The following TMEM94 variants were observed in gnomAD, a reference collection of about 807,000 sequenced individuals.
TMEM94 encodes ER Mg2+ ATPase.
In TMEM94, 81 loss-of-function variants were observed where a neutral mutation model predicts 158.6. The ratio of observed to expected loss-of-function variants is 0.51; its 90% confidence interval spans 0.43 to 0.61. The LOEUF (loss-of-function observed/expected upper bound fraction) is 0.61. TMEM94 is among the 20% of genes least tolerant of loss of function. The probability of loss-of-function intolerance (pLI) is 0.00; values close to 1 mark genes in which losing one functional copy is unlikely to be tolerated. For missense variants in TMEM94, 1,435 were observed against 1,762.0 expected (o/e 0.81, Z 3.32); for synonymous variants, 751 against 730.7 (o/e 1.03, Z -0.45).
chr17:75,499,570 G>C lies in TMEM94; in HGVS notation c.*236G>C. ...TGGCTCTTCCCTGGGCCTCACCAGGGACACTCTTGAATGTATGGCCTCAGG... is the reference window on the plus strand; with the variant it reads ...TGGCTCTTCCCTGGGCCTCACCAGGCACACTCTTGAATGTATGGCCTCAGG... On this transcript the variant is annotated 3_prime_UTR_variant, in exon 32 of 32. Transcript: ENST00000314256. 1.7e-6 allele frequency: 1 copy of C among 578,944 alleles called. No individual in the cohort carries two copies. The highest frequency in any genetic ancestry group is 3.1e-6 in the Non-Finnish European group (1 of 324,994). 35.9% of individuals were successfully genotyped at this position (578,944 alleles called of 1,614,324 possible).
At chr17:75,490,101 C>T (rs1352184764) in intron 9 of TMEM94, 133 bp from the exon 10 acceptor site, 5 of 1,247,788 alleles carry the variant, frequency 4.0e-6, no homozygotes, top group East Asian at 2.5e-5. Context: ...AAGAACACCT[C>T]TTTCCCTTCC....
intron 1 of TMEM94, among the ~76,000 whole-genome samples, chr17:75,469,235 C>T (rs3934780): frequency 0.082 from 12,489 of 152,130 alleles, 924 homozygotes; most frequent in African/African-American, 0.18. Flanking sequence ...GTCAGTGCCT[C>T]GTTCTGGGGA....
rs2051961223 is a variant in TMEM94 at position 75,489,642 on chromosome 17, T to C, written c.934T>C (p.Tyr312His). ...TGCCCCGGGGGTCACTTCCTGGCAG[T>C]ACACCCTCCTCCAGCTCCAGGCAAG... ...FSAPGVTSWQ[Y>H]TLLQLQVNGV... The change falls in exon 9 of 32, where the codon TAC becomes CAC. Residue 312 changes from tyrosine to histidine, a missense_variant. This residue lies in a region of TMEM94 where 1,051 missense variants were observed against 1,254.4 expected (regional missense o/e 0.84). Coordinates refer to ENST00000314256, the MANE Select transcript of TMEM94 (RefSeq NM_014738.6). This position sits in a 1 kb window ranked among gnomAD's most constrained non-coding sequence, Gnocchi z 5.0. 2 of 1,613,822 alleles carry C rather than the reference T, an allele frequency of 1.2e-6. No individual in the cohort carries two copies. The highest frequency in any genetic ancestry group is 1.7e-6 in the Non-Finnish European group (2 of 1,179,848).
rs764559083 is a variant in TMEM94 at position 75,493,597 on chromosome 17, G to A, written c.2189+4G>A. ...ACCCTCTCTCGGGATCTGACAGGTG[G>A]GTGAGGAAGCACATGCCAGCAGCAA... On this transcript the variant is annotated splice_donor_region_variant and intron_variant, in intron 17 of 31. Transcript: ENST00000314256. 9 of 1,613,884 alleles carry A rather than the reference G, an allele frequency of 5.6e-6. No homozygotes were observed. Among genetic ancestry groups the A allele is most frequent in the Non-Finnish European group, 7.6e-6 (9 of 1,179,968 alleles).
intron 26 of TMEM94, among the ~76,000 whole-genome samples, chr17:75,497,490 A>T (rs763247993): frequency 1.3e-5 from 2 of 150,994 alleles, no homozygotes; most frequent in Non-Finnish European, 2.9e-5. Context: ...AGTAGCTGGG[A>T]TTACAGGCAC....
intron 16 of TMEM94, 45 bp from the exon 17 acceptor site, chr17:75,493,446 A>AGG: frequency 6.3e-7 from 1 of 1,581,928 alleles, no homozygotes; most frequent in Non-Finnish European, 8.7e-7. Context: ...GGTCAGCGTG[A>AGG]GGGGGCTGGT....
intron 2 of TMEM94, among the ~76,000 whole-genome samples, chr17:75,479,713 C>G (rs1284233246): frequency 3.3e-5 from 5 of 151,800 alleles, no homozygotes; most frequent in African/African-American, 1.2e-4. Context: ...AGCCCAGGAG[C>G]TCAAGACCAG....
intron 1 of TMEM94, chr17:75,459,752 T>G (rs8065708): frequency 0.19 from 29,005 of 152,164 alleles, 4,798 homozygotes; most frequent in African/African-American, 0.44. Context: ...GAGAAGGTTC[T>G]GGGTCAGGCG....
At position 75,490,243 on chromosome 17, in the gene TMEM94, G is replaced by A. The variant is rs1424887610; in HGVS notation, c.964G>A (p.Val322Ile). 1.1e-5 allele frequency: 17 copies of A among 1,613,858 alleles called. No homozygotes were observed. The highest frequency in any genetic ancestry group is 4.0e-5 in the African/African-American group (3 of 74,906). The change falls in exon 10 of 32, where the codon GTC (valine) becomes ATC (isoleucine). Residue 322 changes from valine (V) to isoleucine (I), a missense_variant. Physicochemically the swap from Val to Ile is conservative, Grantham distance 29. Transcript: ENST00000314256. ...GTCCGCTCCTTCCCAGGTGAATGGC[G>A]TCCTGCCCATCCTCCCCCTGCTCTT... is the stretch of plus-strand genomic sequence containing the variant. ...YTLLQLQVNG[V>I]LPILPLLFPV...
chr17:75,499,188 T>C (rs1258260913), intron 31 of TMEM94, 74 bp from the exon 32 acceptor site: 1 of 1,595,534 alleles, frequency 6.3e-7, no homozygotes, highest in Non-Finnish European at 8.6e-7. Flanking sequence ...CCCTCCCTCC[T>C]CCTCTGGTGT....
In TMEM94 at chr17:75,492,985, C is replaced by G; in HGVS notation, c.1969C>G (p.Arg657Gly). The G allele has an allele frequency of 6.2e-7, 1 of 1,613,768 alleles. No homozygotes were observed. The highest frequency in any genetic ancestry group is 8.5e-7 in the Non-Finnish European group (1 of 1,180,024). Residue 657 changes from arginine to glycine, a missense_variant, in exon 16 of 32, where the codon CGC (arginine) becomes GGC (glycine). Physicochemically the swap from Arg to Gly is moderately radical, Grantham distance 125. This residue lies in a region of TMEM94 where 1,051 missense variants were observed against 1,254.4 expected (regional missense o/e 0.84). Transcript: ENST00000314256. This position sits in a 1 kb window ranked among gnomAD's most constrained non-coding sequence, Gnocchi z 4.4. ...FKQENHLALY[R>G]LPSAETMKET... Reference sequence around the variant, plus strand: ...GCAGGAGAACCATCTGGCGCTGTACCGCCTCCCCAGTGCCGAGACAATGAA... The same window carrying G: ...GCAGGAGAACCATCTGGCGCTGTACGGCCTCCCCAGTGCCGAGACAATGAA...
At chr17:75,473,776 A>G (rs1214583571) in intron 2 of TMEM94, among the ~76,000 whole-genome samples, 5 of 152,118 alleles carry the variant, frequency 3.3e-5, no homozygotes, top group African/African-American at 1.2e-4. Context: ...GGCACCAGGG[A>G]GGTGGCCCCG....
chr17:75,495,075 G>GGGGGGGGGGGGC lies in TMEM94; in HGVS notation c.2728+41_2728+42insGGGGGGGGGGGC. 9.6e-7 allele frequency: 1 copy of GGGGGGGGGGGGC among 1,037,352 alleles called. No individual in the cohort carries two copies. The highest frequency in any genetic ancestry group is 1.6e-5 in the African/African-American group (1 of 62,896). The allele number at this position is 1,037,352 out of a possible 1,614,324, so 64.3% of individuals were successfully genotyped here. On this transcript the variant is annotated intron_variant, in intron 20 of 31. Transcript: ENST00000314256. This position sits in a 1 kb window ranked among gnomAD's most constrained non-coding sequence, Gnocchi z 5.6. ...TGGGGTGGGGACGGGGTGGCGGTGG[G>GGGGGGGGGGGGC]AGGATTCCCCTCCTCAGAGCCACAG...
rs567803955 is a variant in TMEM94, at chr17:75,467,827, C to T, written c.-106-3973C>T. 9.8e-5 allele frequency among the ~76,000 whole-genome samples: 15 copies of T among 152,308 alleles called. No individual in the cohort carries two copies. The South Asian group carries it at 1.0e-3, about 11-fold the overall frequency. The stretch of plus-strand genomic sequence containing the variant: ...GATTACAGGCGTGAGCCACCGCGCC[C>T]GGCCCCATTTCTTTTTCTTCCACCT... On this transcript the variant is annotated intron_variant, in intron 1 of 31. Coordinates refer to ENST00000314256, the MANE Select transcript of TMEM94 (RefSeq NM_014738.6).
chr17:75,484,616 T>A (rs114047536), intron 2 of TMEM94, among the ~76,000 whole-genome samples: 8,031 of 151,976 alleles, frequency 0.053, 221 homozygotes, highest in Middle Eastern at 0.099. Flanking sequence ...AGACTAGTCT[T>A]TAACTCTTAG....
intron 24 of TMEM94, 82 bp from the exon 25 acceptor site, chr17:75,496,648 C>T: frequency 1.4e-6 from 2 of 1,479,198 alleles, no homozygotes; most frequent in Non-Finnish European, 9.4e-7. Flanking sequence ...GGGCGTCTGG[C>T]TCTTGGCTAA....
At chr17:75,470,099 G>C (rs551064356) in intron 1 of TMEM94, among the ~76,000 whole-genome samples, 3 of 152,184 alleles carry the variant, frequency 2.0e-5, no homozygotes, top group Non-Finnish European at 4.4e-5. Flanking sequence ...ATAAACCAAG[G>C]CTTTTCCTGC....
At chr17:75,479,410 C>G (rs2050975820) in intron 2 of TMEM94, among the ~76,000 whole-genome samples, 1 of 152,128 alleles carries the variant, frequency 6.6e-6, no homozygotes, top group Admixed American at 6.5e-5. Context: ...ACCGCCGCCT[C>G]CTGGGTTCAA....
chr17:75,471,441 C>T (rs564465470), intron 1 of TMEM94, among the ~76,000 whole-genome samples: 3 of 152,008 alleles, frequency 2.0e-5, no homozygotes, highest in South Asian at 2.1e-4. Context: ...AGTACTTTTC[C>T]GCGTACCATA....
Sources: allele counts gnomAD v4.1 joint callset (sites outside exome capture counted in the v4.1 genomes callset), GRCh38; gene constraint gnomAD v4.1.1; regional missense constraint gnomAD v4.1.1; non-coding constraint Gnocchi (gnomAD v3.1); transcripts MANE v1.5; gene names NCBI Gene and HGNC (gene_info 2026-07-23, HGNC 2026-07-21).